ANKMY1: variants seen among roughly 807,000 people sequenced by gnomAD.
ANKMY1 encodes ankyrin repeat and MYND domain-containing protein 1.
In ANKMY1, 98 loss-of-function variants were observed where a neutral mutation model predicts 102.0. The ratio of observed to expected loss-of-function variants is 0.96; its 90% CI spans 0.82 to 1.14. The LOEUF (loss-of-function observed/expected upper bound fraction) is 1.14. ANKMY1 is among the 50% of genes most tolerant of loss of function. ANKMY1 has a pLI of 0.00. For missense variants in ANKMY1, 1,330 were observed against 1,347.6 expected (o/e 0.99, Z 0.20); for synonymous variants, 582 against 559.9 (o/e 1.04, Z -0.56).
In ANKMY1 at chr2:240,489,841, A is replaced by C. The variant is rs568375277; in HGVS notation, c.2807-7580T>G. On this transcript the variant is annotated intron_variant, in intron 15 of 17. Transcript: ENST00000401804. ...GAATGGTTTCAGGAGGATTGGTATTAGTTCTTCTTTATATATTTGGTAGAA... is the reference window on the plus strand; with the variant it reads ...GAATGGTTTCAGGAGGATTGGTATTCGTTCTTCTTTATATATTTGGTAGAA... Among the ~76,000 whole-genome samples, 8 of 152,300 alleles carry C rather than the reference A, an allele frequency of 5.3e-5. No individual in the cohort carries two copies. The South Asian group carries it at 1.7e-3, about 32-fold the overall frequency.
At chr2:240,528,452 T>C (rs1267235933) in intron 5 of ANKMY1, among the ~76,000 whole-genome samples, 1 of 152,064 alleles carries the variant, frequency 6.6e-6, no homozygotes, top group Non-Finnish European at 1.5e-5. Flanking sequence ...CCAACACCAC[T>C]ACTGCCCTGT....
rs1338823450 is a variant in ANKMY1 at position 240,496,452 on chromosome 2, A to C, written c.2806+3506T>G. On this transcript the variant is annotated intron_variant, in intron 15 of 17. Transcript: ENST00000401804. Reference sequence around the variant, plus strand: ...TCCACTTTCCCCTGATGATCTCTTCATTTCTCATCATTCTTTTTTCTCTCT... The same window carrying C: ...TCCACTTTCCCCTGATGATCTCTTCCTTTCTCATCATTCTTTTTTCTCTCT... Among the ~76,000 whole-genome samples, 3 of 152,020 alleles carry C rather than the reference A, an allele frequency of 2.0e-5. No homozygotes were observed. In the East Asian group the frequency reaches 5.8e-4, roughly 29 times the overall value.
chr2:240,477,404 T>C (rs763664875), downstream of ANKMY1, among the ~76,000 whole-genome samples: 34 of 152,220 alleles, frequency 2.2e-4, no homozygotes, highest in Non-Finnish European at 4.4e-4. Flanking sequence ...ATTTTCTCAT[T>C]TTTAAAAATT....
Position 240,529,588 on chromosome 2 carries a change from A to T in ANKMY1, c.481-79T>A. 4 of 1,339,400 alleles carry T rather than the reference A, an allele frequency of 3.0e-6. No homozygotes were observed. Among genetic ancestry groups the T allele is most frequent in the Non-Finnish European group, 4.0e-6 (4 of 1,001,568 alleles). 83.0% of individuals were successfully genotyped at this position (1,339,400 alleles called of 1,614,324 possible). On this transcript the variant is annotated intron_variant, in intron 4 of 17. Coordinates refer to ENST00000401804, the MANE Select transcript of ANKMY1 (RefSeq NM_001282771.3). This position sits in a 1 kb window ranked among gnomAD's most constrained non-coding sequence, Gnocchi z 4.2. ...GTGATCATGTTTGTAACGTCAAAAG[A>T]AATCCCAAAAAAGAAAACTTTCCCA... is the stretch of plus-strand genomic sequence containing the variant.
chr2:240,538,603 C>T (rs1298204217), intron 4 of ANKMY1, among the ~76,000 whole-genome samples: 2 of 152,330 alleles, frequency 1.3e-5, no homozygotes, highest in South Asian at 2.1e-4. Flanking sequence ...GGCGCCGCCC[C>T]CTGCTCCACA....
At chr2:240,475,330 T>G (rs2074783413), downstream of ANKMY1, among the ~76,000 whole-genome samples, 1 of 152,084 alleles carries the variant, frequency 6.6e-6, no homozygotes, top group Non-Finnish European at 1.5e-5. Context: ...AATATCAACA[T>G]ACAAAAATTA....
At chr2:240,525,933 T>A (rs1466741695) in intron 6 of ANKMY1, 84 bp from the exon 7 acceptor site, 1 of 1,501,630 alleles carries the variant, frequency 6.7e-7, no homozygotes, top group Non-Finnish European at 9.1e-7. Context: ...GATGCCCTCA[T>A]GAGGCCACCC....
chr2:240,502,960 G>A (rs1351442779), intron 13 of ANKMY1, among the ~76,000 whole-genome samples: 1 of 152,064 alleles, frequency 6.6e-6, no homozygotes, highest in Admixed American at 6.5e-5. Flanking sequence ...GGCTGCAGCT[G>A]GATGAGCTGG....
At chr2:240,473,942 C>G in the ANKMY1 span, among the ~76,000 whole-genome samples, 4 of 152,172 alleles carry the variant, frequency 2.6e-5, no homozygotes, top group African/African-American at 4.8e-5. Flanking sequence ...AGCATTTCCT[C>G]TAAGATCACG....
intron 9 of ANKMY1, among the ~76,000 whole-genome samples, chr2:240,516,004 A>G (rs1269116316): frequency 6.6e-6 from 1 of 151,958 alleles, no homozygotes; most frequent in Non-Finnish European, 1.5e-5. Context: ...GATTACAGGC[A>G]ATAATAAAAT....
intron 5 of ANKMY1, among the ~76,000 whole-genome samples, chr2:240,528,819 G>A (rs748261558): frequency 1.6e-4 from 25 of 152,244 alleles, no homozygotes; most frequent in Non-Finnish European, 2.6e-4. Context: ...CTGCACAGAC[G>A]TCCAGGGCCC....
At chr2:240,493,157 A>C (rs1015035006) in intron 15 of ANKMY1, among the ~76,000 whole-genome samples, 1 of 78,398 alleles carries the variant, frequency 1.3e-5, no homozygotes, top group Admixed American at 1.6e-4. Context: ...TCCCATCTCT[A>C]CTAAAAATAC....
At chr2:240,517,939 C>T (rs568084402) in intron 9 of ANKMY1, among the ~76,000 whole-genome samples, 1 of 152,160 alleles carries the variant, frequency 6.6e-6, no homozygotes, top group Non-Finnish European at 1.5e-5. Context: ...AGAAAGATTG[C>T]ATTTTAGAAA....
intron 8 of ANKMY1, 40 bp downstream of exon 8, chr2:240,523,845 T>C (rs1267689340): frequency 6.3e-7 from 1 of 1,594,620 alleles, no homozygotes. Context: ...TCAGCCCTGA[T>C]GGTGGCCCTC....
At chr2:240,509,121 A>G (rs924762336) in intron 12 of ANKMY1, among the ~76,000 whole-genome samples, 1 of 151,602 alleles carries the variant, frequency 6.6e-6, no homozygotes, top group African/African-American at 2.4e-5. Flanking sequence ...AGGTGGATGG[A>G]TGGATGGAAG....
chr2:240,505,187 C>T (rs28361903), intron 13 of ANKMY1, among the ~76,000 whole-genome samples: 22,484 of 150,042 alleles, frequency 0.15, 2,141 homozygotes, highest in African/African-American at 0.25. Flanking sequence ...TATGGCCGGG[C>T]GCGGTGGCTC....
At position 240,557,766 on chromosome 2, in the gene ANKMY1, C is replaced by T. The variant is rs575208229; in HGVS notation, c.-18+115G>A. The T allele has an allele frequency of 1.7e-5, 11 of 655,214 alleles. No individual in the cohort carries two copies. In the South Asian group the frequency reaches 6.1e-4, roughly 36 times the overall value. The allele number at this position is 655,214 out of a possible 1,614,324, so 40.6% of individuals were successfully genotyped here. On this transcript the variant is annotated intron_variant, in intron 1 of 17. Transcript: ENST00000401804. The stretch of plus-strand genomic sequence containing the variant: ...ACCTAACCCCACGCCCCCAGCCCCT[C>T]GGCCCCTCCCTGGGGTGGGGACCGC...
At chr2:240,478,491 G>C (rs1352513862), downstream of ANKMY1, among the ~76,000 whole-genome samples, 1 of 152,112 alleles carries the variant, frequency 6.6e-6, no homozygotes, top group Non-Finnish European at 1.5e-5. Flanking sequence ...CTTGGCGGCA[G>C]GGAGCCAGCT....
rs906298377 is a variant in ANKMY1, at chr2:240,524,185, C to T, written c.1532G>A (p.Gly511Glu). The T allele has an allele frequency of 2.0e-5, 32 of 1,613,876 alleles. No homozygotes were observed. The highest frequency in any genetic ancestry group is 2.6e-5 in the Non-Finnish European group (31 of 1,180,018). ...GHFQDTGQCG[G>E]SIDHRSSSLK... ...AGAGCTGCTCCTGTGGTCTATGGAC[C>T]CCCCACACTGCCCGGTGTCCTGGAA... is the stretch of plus-strand genomic sequence containing the variant. Residue 511 changes from glycine (G) to glutamate (E), a missense_variant, in exon 8 of 18, where the codon GGG (glycine) becomes GAG (glutamate). By Grantham distance (98) the Gly-to-Glu change is moderately conservative. Coordinates refer to ENST00000401804, the MANE Select transcript of ANKMY1 (RefSeq NM_001282771.3).
Sources: gnomAD v4.1 joint callset for allele counts (sites outside exome capture counted in the v4.1 genomes callset) on GRCh38, gnomAD v4.1.1 for gene constraint, Gnocchi (gnomAD v3.1) non-coding constraint, MANE v1.5 for transcripts, NCBI Gene and HGNC (gene_info 2026-07-23, HGNC 2026-07-21) for gene names.